Variants in GCLC observed in about 807,000 individuals in gnomAD.
GCLC encodes glutamate--cysteine ligase catalytic subunit.
A neutral mutation model predicts 81.5 loss-of-function variants in GCLC; 30 were observed. That is an observed-to-expected ratio of 0.37 (90% CI 0.28 to 0.50). The LOEUF is 0.50. Ranked by LOEUF, GCLC falls within the 20% of genes least tolerant of loss-of-function variation. The pLI is 0.96. For missense variants in GCLC, 556 were observed against 777.4 expected (o/e 0.72, Z 3.39); for synonymous variants, 262 against 273.3 (o/e 0.96, Z 0.41).
rs1213891667 is a variant in GCLC at position 53,509,105 on chromosome 6, CA to C, written c.828+70del. On this transcript the variant is annotated intron_variant, in intron 7 of 15. Coordinates refer to ENST00000650454, the MANE Select transcript of GCLC (RefSeq NM_001498.4). ...TAACTGGACTTAAATAGCACACTGT[CA>C]GTAAATTCTGCACATGCTATCTTAT... 9.8e-6 allele frequency: 9 copies of C among 920,512 alleles called. No homozygotes were observed. In the African/African-American group the frequency reaches 1.3e-4, roughly 13 times the overall value. 57.0% of individuals were successfully genotyped at this position (920,512 alleles called of 1,614,324 possible). A position where few individuals can be genotyped will look rare whatever the true frequency, so the allele number is the denominator to read the frequency against.
At chr6:53,531,148 T>C (rs765386295) in intron 1 of GCLC, among the ~76,000 whole-genome samples, 33 of 152,120 alleles carry the variant, frequency 2.2e-4, no homozygotes, top group Non-Finnish European at 4.0e-4. Flanking sequence ...CAGGGGTTAG[T>C]GGTTACTATT....
chr6:53,531,452 C>G (rs1763170916), intron 1 of GCLC, among the ~76,000 whole-genome samples: 1 of 152,116 alleles, frequency 6.6e-6, no homozygotes, highest in Non-Finnish European at 1.5e-5. Flanking sequence ...GCAAGCAGGT[C>G]AAGTCACTCT....
At chr6:53,533,829 T>C (rs1469446767) in intron 1 of GCLC, among the ~76,000 whole-genome samples, 1 of 151,390 alleles carries the variant, frequency 6.6e-6, no homozygotes, top group African/African-American at 2.4e-5. Context: ...AGTTTCACTC[T>C]TGTCGCCCAG....
intron 1 of GCLC, among the ~76,000 whole-genome samples, chr6:53,539,897 T>C (rs1225831043): frequency 6.6e-6 from 1 of 152,242 alleles, no homozygotes; most frequent in Non-Finnish European, 1.5e-5. Flanking sequence ...GTCTTCACAC[T>C]TCTATTCAGA....
chr6:53,540,705 A>ACACAC lies in GCLC; in HGVS notation c.150+3790_150+3791insGTGTG, dbSNP rs58342057. On this transcript the variant is annotated intron_variant, in intron 1 of 15. Transcript: ENST00000650454. Reference sequence around the variant, plus strand: ...CACACACACACACACACACACACACAAAAGTCCTGGTTGGAATCTTCTAAA... The same window carrying ACACAC: ...CACACACACACACACACACACACACACACACAAAGTCCTGGTTGGAATCTTCTAAA... 3.0e-3 allele frequency among the ~76,000 whole-genome samples: 455 copies of ACACAC among 150,784 alleles called. 1 individual carries two copies. The highest frequency in any genetic ancestry group is 0.011 in the African/African-American group (435 of 40,786).
chr6:53,540,520 A>G (rs1330947803), intron 1 of GCLC, among the ~76,000 whole-genome samples: 1 of 152,192 alleles, frequency 6.6e-6, no homozygotes. Flanking sequence ...GGGAAAATTG[A>G]GGAACTGCTA....
At position 53,509,212 on chromosome 6, in the gene GCLC, G is replaced by A. The variant is rs1764685184; in HGVS notation, c.792C>T (p.Tyr264=). 6.2e-7 allele frequency: 1 copy of A among 1,607,542 alleles called. No individual in the cohort carries two copies. The highest frequency in any genetic ancestry group is 8.5e-7 in the Non-Finnish European group (1 of 1,174,068). Residue 264 remains tyrosine, a synonymous_variant, in exon 7 of 16, where the codon TAC becomes TAT. Transcript: ENST00000650454. ...AGATAGTAGCCAACTGATCATAAAG[G>A]TATCTGGCCTCAGATATACTGCAGG... The part of the protein sequence containing the change: ...FQACSISEAR[Y]LYDQLATICP...
intron 12 of GCLC, among the ~76,000 whole-genome samples, chr6:53,502,089 G>A (rs191535995): frequency 2.0e-5 from 3 of 152,170 alleles, no homozygotes; most frequent in South Asian, 2.1e-4. Flanking sequence ...GAATTTTAGC[G>A]GGAACGCATG....
intron 1 of GCLC, among the ~76,000 whole-genome samples, chr6:53,543,094 A>G (rs1763387781): frequency 6.6e-6 from 1 of 152,238 alleles, no homozygotes; most frequent in Admixed American, 6.5e-5. Flanking sequence ...TTGAAATAGT[A>G]GTTCATTCAC....
intron 1 of GCLC, among the ~76,000 whole-genome samples, chr6:53,537,489 G>C (rs1296363668): frequency 6.6e-6 from 1 of 152,086 alleles, no homozygotes; most frequent in Non-Finnish European, 1.5e-5. Context: ...GTGTCAATGC[G>C]TTTTTGAAGC....
chr6:53,535,537 AAG>A (rs1763243840), intron 1 of GCLC, among the ~76,000 whole-genome samples: 1 of 152,180 alleles, frequency 6.6e-6, no homozygotes, highest in African/African-American at 2.4e-5. Context: ...AAAATAAAAA[AAG>A]AGAATGAAAA....
chr6:53,540,666 G>GA (rs1561953615), intron 1 of GCLC, among the ~76,000 whole-genome samples: 14 of 108,198 alleles, frequency 1.3e-4, no homozygotes, highest in African/African-American at 5.1e-4. Context: ...TAAGTGTCTT[G>GA]CCACACACAC....
At chr6:53,542,649 T>C (rs1342685046) in intron 1 of GCLC, among the ~76,000 whole-genome samples, 3 of 152,162 alleles carry the variant, frequency 2.0e-5, no homozygotes, top group Non-Finnish European at 4.4e-5. Context: ...CCTGTTGATG[T>C]AGTTCTACCT....
rs138321238 is a variant in GCLC, at chr6:53,498,927, G to A, written c.1743C>T (p.Ile581=). The change falls in exon 16 of 16, where the codon ATC becomes ATT. Residue 581 remains isoleucine (I), a synonymous_variant. Coordinates refer to ENST00000650454, the MANE Select transcript of GCLC (RefSeq NM_001498.4). ...MTVARWMREF[I]ANHPDYKQDS... ...CTTGCTTGTAGTCAGGATGGTTTGC[G>A]ATAAACTCCCTCATCCATCTGGCAA... 1.6e-3 allele frequency: 2,606 copies of A among 1,613,036 alleles called. 5 individuals carry two copies. Among genetic ancestry groups the A allele is most frequent in the Middle Eastern group, 3.8e-3 (23 of 6,060 alleles).
chr6:53,521,231 T>C (rs1762985876), intron 2 of GCLC, among the ~76,000 whole-genome samples: 1 of 152,194 alleles, frequency 6.6e-6, no homozygotes, highest in African/African-American at 2.4e-5. Context: ...CTTGGCTTAC[T>C]GCAACCTCTG....
At chr6:53,529,354 T>C (rs17885332) in intron 1 of GCLC, among the ~76,000 whole-genome samples, 3,539 of 152,272 alleles carry the variant, frequency 0.023, 115 homozygotes, top group African/African-American at 0.079. Context: ...GCTACCACAA[T>C]TCAGGCATAT....
Position 53,507,513 on chromosome 6 carries a change from C to G in GCLC, c.1051G>C (p.Asp351His). The change falls in exon 9 of 16, where the codon GAT becomes CAT. Residue 351 changes from aspartate to histidine, a missense_variant. Asp to His is a moderately conservative substitution (Grantham distance 81). Transcript: ENST00000650454. The part of the protein sequence containing the change: ...EKYNDIDLTI[D>H]KEIYEQLLQE... The stretch of plus-strand genomic sequence containing the variant: ...AACAGCTGTTCGTAGATCTCTTTAT[C>G]TATCGTCAAGTCGATGTCATTATAT... 6.2e-7 allele frequency: 1 copy of G among 1,611,340 alleles called. No individual in the cohort carries two copies. The highest frequency in any genetic ancestry group is 1.7e-5 in the Admixed American group (1 of 60,024).
chr6:53,512,052 G>A (rs191936219), intron 6 of GCLC, among the ~76,000 whole-genome samples: 3 of 151,100 alleles, frequency 2.0e-5, no homozygotes, highest in East Asian at 3.9e-4. Context: ...AGGTTCAAGC[G>A]TTTCTCATGC....
intron 2 of GCLC, among the ~76,000 whole-genome samples, chr6:53,521,935 C>T (rs2127625458): frequency 6.6e-6 from 1 of 152,304 alleles, no homozygotes; most frequent in African/African-American, 2.4e-5. Context: ...GATCGTGCCA[C>T]TGCACTCCAG....
Sources: allele counts gnomAD v4.1 joint callset (sites outside exome capture counted in the v4.1 genomes callset), GRCh38; gene constraint gnomAD v4.1.1; transcripts MANE v1.5; gene names NCBI Gene and HGNC (gene_info 2026-07-23, HGNC 2026-07-21).